The following SDK2 variants were observed in gnomAD, a reference collection of about 807,000 sequenced individuals.
SDK2 encodes sidekick cell adhesion molecule 2.
Under a neutral mutation model 253.9 loss-of-function variants are expected in SDK2, and 105 were observed. That is an observed-to-expected ratio of 0.41 (90% CI 0.35 to 0.49). The LOEUF (loss-of-function observed/expected upper bound fraction) is 0.49. Among genes scored for constraint, SDK2 ranks in the 20% least tolerant of loss-of-function variants. The pLI is 0.06. For missense variants in SDK2, 2,608 were observed against 3,003.0 expected (o/e 0.87, Z 3.07); for synonymous variants, 1,249 against 1,234.9 (o/e 1.01, Z -0.24).
intron 1 of SDK2, among the ~76,000 whole-genome samples, chr17:73,535,157 G>C (rs773372828): frequency 6.6e-6 from 1 of 152,218 alleles, no homozygotes; most frequent in Non-Finnish European, 1.5e-5. Context: ...TCATCCATGT[G>C]TGAGGACAGC....
intron 10 of SDK2, among the ~76,000 whole-genome samples, chr17:73,432,439 G>A (rs560363978): frequency 1.3e-5 from 2 of 152,296 alleles, no homozygotes; most frequent in South Asian, 4.1e-4. Context: ...AGTGAACTGA[G>A]TGTGCTGGGT....
chr17:73,632,693 C>T (rs73353357), intron 1 of SDK2, among the ~76,000 whole-genome samples: 2,286 of 152,296 alleles, frequency 0.015, 54 homozygotes, highest in African/African-American at 0.05. Flanking sequence ...CTGACTAATA[C>T]AGGTAGAGTG....
chr17:73,463,025 A>G (rs1372436884), intron 3 of SDK2, among the ~76,000 whole-genome samples: 1 of 152,212 alleles, frequency 6.6e-6, no homozygotes, highest in Non-Finnish European at 1.5e-5. Context: ...TCAGCCAGAC[A>G]GTGCAGGAGT....
intron 44 of SDK2, among the ~76,000 whole-genome samples, chr17:73,340,734 G>GTTTTTT (rs10638504): frequency 0.015 from 1,159 of 77,544 alleles, 301 homozygotes; most frequent in East Asian, 0.024. Flanking sequence ...AAACCTTAAA[G>GTTTTTT]TTTTTTTTTT....
In SDK2 at chr17:73,385,179, C is replaced by G. The variant is rs898144906; in HGVS notation, c.4569+668G>C. ...AGATGGGGTTTTGCCAGGGGTCCCTCTCATGTGGGTGACCTGCTGAGGCAA... is the reference window on the plus strand; with the variant it reads ...AGATGGGGTTTTGCCAGGGGTCCCTGTCATGTGGGTGACCTGCTGAGGCAA... On this transcript the variant is annotated intron_variant, in intron 32 of 44. Transcript: ENST00000392650. 3.9e-5 allele frequency among the ~76,000 whole-genome samples: 6 copies of G among 152,216 alleles called. No individual in the cohort carries two copies. In the South Asian group the frequency reaches 1.0e-3, roughly 26 times the overall value.
chr17:73,504,287 GGAAA>G (rs1323185284), intron 2 of SDK2: 8 of 110,120 alleles, frequency 7.3e-5, no homozygotes, highest in East Asian at 2.4e-4. Flanking sequence ...AGAGAGAGAG[GGAAA>G]GAAAGAGAGA....
chr17:73,493,240 A>G (rs2063819603), intron 2 of SDK2, among the ~76,000 whole-genome samples: 1 of 152,144 alleles, frequency 6.6e-6, no homozygotes, highest in Non-Finnish European at 1.5e-5. Context: ...ATGAATGATG[A>G]AACCCTTCCT....
At chr17:73,482,867 C>G (rs1235070428) in intron 2 of SDK2, among the ~76,000 whole-genome samples, 3 of 152,224 alleles carry the variant, frequency 2.0e-5, no homozygotes, top group Non-Finnish European at 1.5e-5. Flanking sequence ...TAAATAACAA[C>G]CACAGTAGCA....
At chr17:73,564,654 G>T (rs1037561919) in intron 1 of SDK2, among the ~76,000 whole-genome samples, 5 of 152,084 alleles carry the variant, frequency 3.3e-5, no homozygotes, top group African/African-American at 1.2e-4. Flanking sequence ...GTGAAACTCT[G>T]TCTCTACTAA....
rs56079435 is a variant in SDK2, at chr17:73,481,705, T to C, written c.225-9487A>G. ...AGGAATGTGCTGTCTTGGGAGGAGA[T>C]GCCCATCTTCTCCTGCCCTTGGACG... is the stretch of plus-strand genomic sequence containing the variant. On this transcript the variant is annotated intron_variant, in intron 2 of 44. Coordinates refer to ENST00000392650, the MANE Select transcript of SDK2 (RefSeq NM_001144952.2). The surrounding 1 kb of genome is among the most constrained non-coding windows in gnomAD (Gnocchi z 4.5). 0.41 allele frequency among the ~76,000 whole-genome samples: 62,909 copies of C among 151,888 alleles called. 13,149 individuals are homozygous for C. Among genetic ancestry groups the C allele is most frequent in the East Asian group, 0.45 (2,294 of 5,138 alleles).
At chr17:73,505,025 G>GT (rs1762480022) in intron 2 of SDK2, among the ~76,000 whole-genome samples, 1 of 150,574 alleles carries the variant, frequency 6.6e-6, no homozygotes, top group African/African-American at 2.4e-5. Flanking sequence ...GGGCGAGGAG[G>GT]TAAAGGAATG....
intron 38 of SDK2, 29 bp downstream of exon 38, chr17:73,365,229 T>C: frequency 6.9e-7 from 1 of 1,443,900 alleles, no homozygotes; most frequent in Non-Finnish European, 9.3e-7. Context: ...AGTGGGGGGC[T>C]GGGGAGCTGT....
intron 2 of SDK2, among the ~76,000 whole-genome samples, chr17:73,478,639 C>G (rs1038932028): frequency 2.6e-5 from 4 of 152,144 alleles, no homozygotes; most frequent in Admixed American, 2.6e-4. Flanking sequence ...AAGAGAGGAG[C>G]AGGGGGGACA....
rs2062966093 is a variant in SDK2, at chr17:73,395,713, C to A, written c.3355-321G>T. On this transcript the variant is annotated intron_variant, in intron 24 of 44. Coordinates refer to ENST00000392650, the MANE Select transcript of SDK2 (RefSeq NM_001144952.2). This position sits in a 1 kb window ranked among gnomAD's most constrained non-coding sequence, Gnocchi z 4.3. ...TCTGACACACCGATAGCACCGCCACCTTTGGCTCTGCTGTCTCTGCTGCTT... is the reference window on the plus strand; with the variant it reads ...TCTGACACACCGATAGCACCGCCACATTTGGCTCTGCTGTCTCTGCTGCTT... Among the ~76,000 whole-genome samples the A allele has an allele frequency of 6.6e-6, 1 of 152,244 alleles. No individual in the cohort carries two copies. The highest frequency in any genetic ancestry group is 1.5e-5 in the Non-Finnish European group (1 of 68,038).
intron 4 of SDK2, among the ~76,000 whole-genome samples, chr17:73,448,374 CT>C (rs11377499): frequency 1.3e-4 from 20 of 148,698 alleles, no homozygotes; most frequent in Admixed American, 2.7e-4. Context: ...GTTTCTACCT[CT>C]TTTTTTTTTG....
chr17:73,395,527 T>C lies in SDK2; in HGVS notation c.3355-135A>G. 1 of 657,138 alleles carries C rather than the reference T, an allele frequency of 1.5e-6. No individual in the cohort carries two copies. The highest frequency in any genetic ancestry group is 2.7e-6 in the Non-Finnish European group (1 of 377,088). The allele number at this position is 657,138 out of a possible 1,614,324, so 40.7% of individuals were successfully genotyped here. On this transcript the variant is annotated intron_variant, in intron 24 of 44. Transcript: ENST00000392650. The surrounding 1 kb of genome is among the most constrained non-coding windows in gnomAD (Gnocchi z 4.3). Reference sequence around the variant, plus strand: ...CACTGTCACCCGGTCAGTGTCCACATGAGGCTCTCTCACCCGAGTGTGGCT... The same window carrying C: ...CACTGTCACCCGGTCAGTGTCCACACGAGGCTCTCTCACCCGAGTGTGGCT...
chr17:73,360,209 C>T (rs751990737), intron 39 of SDK2, among the ~76,000 whole-genome samples: 30 of 152,178 alleles, frequency 2.0e-4, no homozygotes, highest in Non-Finnish European at 3.5e-4. Flanking sequence ...GAAAGGACAG[C>T]GGCTGGGTGG....
chr17:73,487,449 G>A (rs2063776625), intron 2 of SDK2, among the ~76,000 whole-genome samples: 1 of 152,244 alleles, frequency 6.6e-6, no homozygotes, highest in Non-Finnish European at 1.5e-5. Flanking sequence ...TCCACTGGCT[G>A]GGGAAGCAGG....
At chr17:73,513,333 A>G (rs1446546611) in intron 1 of SDK2, among the ~76,000 whole-genome samples, 1 of 152,238 alleles carries the variant, frequency 6.6e-6, no homozygotes, top group African/African-American at 2.4e-5. Flanking sequence ...GAGAATTACA[A>G]ATGCCCCTGG....
Sources: gnomAD v4.1 joint callset for allele counts (sites outside exome capture counted in the v4.1 genomes callset) on GRCh38, gnomAD v4.1.1 for gene constraint, Gnocchi (gnomAD v3.1) non-coding constraint, MANE v1.5 for transcripts, NCBI Gene and HGNC (gene_info 2026-07-23, HGNC 2026-07-21) for gene names.